Variants in ARID5B observed in about 807,000 individuals in gnomAD.
ARID5B encodes AT-rich interactive domain-containing protein 5B.
ARID5B carries 13 observed loss-of-function variants against 97.2 expected under a neutral mutation model. The observed-to-expected ratio is 0.13, with a 90% CI of 0.09 to 0.21. ARID5B has a LOEUF of 0.21. Among genes scored for constraint, ARID5B ranks in the 10% least tolerant of loss-of-function variants. ARID5B has a pLI of 1.00. For synonymous variants in ARID5B, 556 were observed against 570.3 expected (o/e 0.97, Z 0.36); for missense variants, 1,210 against 1,465.3 (o/e 0.83, Z 2.84).
intron 4 of ARID5B, among the ~76,000 whole-genome samples, chr10:62,039,709 A>G (rs76944557): frequency 2.0e-5 from 3 of 152,248 alleles, no homozygotes; most frequent in Non-Finnish European, 4.4e-5. Context: ...GGTGCTAAGA[A>G]TGATTGCGGA....
chr10:62,020,619 T>G (rs1035968652), intron 4 of ARID5B, among the ~76,000 whole-genome samples: 1 of 152,182 alleles, frequency 6.6e-6, no homozygotes, highest in Non-Finnish European at 1.5e-5. Flanking sequence ...CTTGCATAAA[T>G]TTACATGTAT....
chr10:61,948,449 C>A (rs1838273797), intron 3 of ARID5B, among the ~76,000 whole-genome samples: 1 of 145,482 alleles, frequency 6.9e-6, no homozygotes, highest in African/African-American at 2.6e-5. Context: ...TCCCTGCAAC[C>A]TCTGCCTCCT....
At chr10:62,032,828 A>C (rs1443454180) in intron 4 of ARID5B, among the ~76,000 whole-genome samples, 1 of 152,208 alleles carries the variant, frequency 6.6e-6, no homozygotes, top group Non-Finnish European at 1.5e-5. Context: ...TTCATCTTAA[A>C]TGACTCCTTT....
intron 8 of ARID5B, among the ~76,000 whole-genome samples, chr10:62,075,574 A>C (rs769442603): frequency 2.0e-5 from 3 of 152,212 alleles, no homozygotes; most frequent in Non-Finnish European, 4.4e-5. Flanking sequence ...ACGACTCGCC[A>C]CATGTCTGCT....
In ARID5B at chr10:61,938,964, A is replaced by AGTGTGTGTGT. The variant is rs60329829; in HGVS notation, c.277-1188_277-1179dup. ...AACCTTTTTTTGTTCGAATTGGAGA[A>AGTGTGTGTGT]GTGTGTGTGTGTGTGTGTGTGTGTG... is the stretch of plus-strand genomic sequence containing the variant. On this transcript the variant is annotated intron_variant, in intron 2 of 9. Coordinates refer to ENST00000279873, the MANE Select transcript of ARID5B (RefSeq NM_032199.3). Among the ~76,000 whole-genome samples, 1,122 of 125,170 alleles carry AGTGTGTGTGT rather than the reference A, an allele frequency of 9.0e-3. 14 individuals carry two copies. Among genetic ancestry groups the AGTGTGTGTGT allele is most frequent in the South Asian group, 0.018 (64 of 3,490 alleles). The allele number at this position is 125,170 out of a possible 152,430, so 82.1% of individuals were successfully genotyped here. A position where few individuals can be genotyped will look rare whatever the true frequency, so the allele number is the denominator to read the frequency against.
chr10:61,902,562 G>A, intron 2 of ARID5B, 149 bp downstream of exon 2: 4 of 1,139,808 alleles, frequency 3.5e-6, no homozygotes, highest in Non-Finnish European at 3.7e-6. Context: ...ACTAGCTGGG[G>A]CTCGAGTATT....
At chr10:62,005,722 T>G (rs1373448951) in intron 4 of ARID5B, among the ~76,000 whole-genome samples, 1 of 152,160 alleles carries the variant, frequency 6.6e-6, no homozygotes, top group Admixed American at 6.5e-5. Context: ...GAAAGGAAAT[T>G]CAGGACGTAT....
chr10:62,026,115 C>T (rs1839417698), intron 4 of ARID5B, among the ~76,000 whole-genome samples: 1 of 152,226 alleles, frequency 6.6e-6, no homozygotes. Flanking sequence ...AGTGCCTTTT[C>T]CATGAGTGGA....
intron 3 of ARID5B, among the ~76,000 whole-genome samples, chr10:61,965,498 A>G (rs1838532047): frequency 6.6e-6 from 1 of 152,200 alleles, no homozygotes. Context: ...AATGTAGGGC[A>G]GTATGATTAC....
In ARID5B at chr10:61,940,362, C is replaced by T; in HGVS notation, c.456C>T (p.Asn152=). The T allele has an allele frequency of 6.2e-7, 1 of 1,614,104 alleles. No individual in the cohort carries two copies. The highest frequency in any genetic ancestry group is 8.5e-7 in the Non-Finnish European group (1 of 1,180,010). ...TGAAGTACAGGCAGTCAACCCTAAA[C>T]AGTGGACTCAACTTCAAAGACGTTC... The part of the protein sequence containing the change: ...ALLKYRQSTL[N]SGLNFKDVLK... The change falls in exon 3 of 10, where the codon AAC becomes AAT. Residue 152 remains asparagine (N), a synonymous_variant. Transcript: ENST00000279873.
chr10:62,080,882 G>A (rs1045860881), intron 8 of ARID5B, among the ~76,000 whole-genome samples: 1 of 151,934 alleles, frequency 6.6e-6, no homozygotes, highest in Non-Finnish European at 1.5e-5. Flanking sequence ...GAGTGCAGTG[G>A]CATGATCTCG....
At chr10:62,077,758 T>C (rs1840157313) in intron 8 of ARID5B, among the ~76,000 whole-genome samples, 1 of 152,230 alleles carries the variant, frequency 6.6e-6, no homozygotes, top group East Asian at 1.9e-4. Flanking sequence ...AAAAGGTTTC[T>C]ACTTGTGATT....
intron 4 of ARID5B, among the ~76,000 whole-genome samples, chr10:62,011,899 G>A (rs1421419507): frequency 6.6e-6 from 1 of 152,066 alleles, no homozygotes; most frequent in Middle Eastern, 3.2e-3. Flanking sequence ...GAAGGGCACG[G>A]CATCACAGCT....
Position 61,935,077 on chromosome 10 carries a change from T to C in ARID5B, c.277-5106T>C, listed in dbSNP as rs571489544. 2.7e-5 allele frequency among the ~76,000 whole-genome samples: 4 copies of C among 149,804 alleles called. 1 individual carries two copies. In the South Asian group the frequency reaches 8.5e-4, roughly 32 times the overall value. Reference sequence around the variant, plus strand: ...ATAACAATAATGACAAGTTTTGAAATATCACAAGAATTACCAAAATGTGAC... The same window carrying C: ...ATAACAATAATGACAAGTTTTGAAACATCACAAGAATTACCAAAATGTGAC... On this transcript the variant is annotated intron_variant, in intron 2 of 9. Coordinates refer to ENST00000279873, the MANE Select transcript of ARID5B (RefSeq NM_032199.3).
chr10:62,070,950 C>T (rs1222146134), intron 8 of ARID5B, among the ~76,000 whole-genome samples: 1 of 151,736 alleles, frequency 6.6e-6, no homozygotes, highest in Non-Finnish European at 1.5e-5. Flanking sequence ...ACTGATATCT[C>T]AGGTGAGTGT....
chr10:62,025,032 G>T (rs1348806143), intron 4 of ARID5B: 4 of 178,070 alleles, frequency 2.2e-5, no homozygotes, highest in Non-Finnish European at 4.7e-5. Context: ...GTTTTAAAAG[G>T]TGGGGAGGGT....
At position 61,998,635 on chromosome 10, in the gene ARID5B, C is replaced by T. The variant is rs531544463; in HGVS notation, c.503-1456C>T. Among the ~76,000 whole-genome samples the T allele has an allele frequency of 7.9e-5, 12 of 152,274 alleles. No homozygotes were observed. The South Asian group carries it at 1.5e-3, about 18-fold the overall frequency. The stretch of plus-strand genomic sequence containing the variant: ...TTAAGATCATTATAAGAGGAAGCTT[C>T]GCTAAATTTGCTGAAATGTTCCCCT... On this transcript the variant is annotated intron_variant, in intron 3 of 9. Coordinates refer to ENST00000279873, the MANE Select transcript of ARID5B (RefSeq NM_032199.3).
At chr10:61,980,102 A>G (rs565324026) in intron 3 of ARID5B, among the ~76,000 whole-genome samples, 53 of 151,164 alleles carry the variant, frequency 3.5e-4, no homozygotes, top group Admixed American at 3.0e-3. Flanking sequence ...TCAAAAAAAT[A>G]AAACAGAAAA....
At chr10:61,905,674 C>T (rs1404481822) in intron 2 of ARID5B, among the ~76,000 whole-genome samples, 1 of 152,142 alleles carries the variant, frequency 6.6e-6, no homozygotes, top group Non-Finnish European at 1.5e-5. Context: ...CATCATATTA[C>T]ATTCTAGAAG....
Sources: gnomAD v4.1 joint callset for allele counts (sites outside exome capture counted in the v4.1 genomes callset) on GRCh38, gnomAD v4.1.1 for gene constraint, MANE v1.5 for transcripts, NCBI Gene and HGNC (gene_info 2026-07-23, HGNC 2026-07-21) for gene names.